The following HMGB1 variants were observed in gnomAD, a reference collection of about 807,000 sequenced individuals.
HMGB1 encodes the protein high mobility group protein B1.
For missense variants in HMGB1, 79 were observed against 253.5 expected, an observed-to-expected ratio of 0.31 and a Z score of 4.67; for synonymous variants, 81 against 84.0, an observed-to-expected ratio of 0.96 and a Z score of 0.19.
intron 1 of HMGB1, among the ~76,000 whole-genome samples, chr13:30,512,316 T>C (rs1211061104): frequency 6.6e-6 from 1 of 152,112 alleles, no homozygotes; most frequent in Non-Finnish European, 1.5e-5. Flanking sequence ...AGGCAAACAC[T>C]GAACATGCTT....
chr13:30,479,136 A>G (rs1474760344), intron 1 of HMGB1, among the ~76,000 whole-genome samples: 2 of 152,190 alleles, frequency 1.3e-5, no homozygotes, highest in East Asian at 1.9e-4. Context: ...AAATATGCAC[A>G]TTTATCATAG....
intron 1 of HMGB1, among the ~76,000 whole-genome samples, chr13:30,520,488 C>T (rs1322963548): frequency 2.6e-5 from 4 of 151,720 alleles, no homozygotes; most frequent in East Asian, 1.9e-4. Context: ...GGTGTGGTGG[C>T]GTATGCCTGT....
At chr13:30,557,219 A>G (rs752474305) in intron 1 of HMGB1, among the ~76,000 whole-genome samples, 48 of 152,206 alleles carry the variant, frequency 3.2e-4, no homozygotes, top group Non-Finnish European at 6.5e-4. Flanking sequence ...TAAAATTTGC[A>G]CTGAATTCCA....
intron 1 of HMGB1, among the ~76,000 whole-genome samples, chr13:30,597,073 A>G (rs1871646399): frequency 6.6e-6 from 1 of 152,218 alleles, no homozygotes; most frequent in Admixed American, 6.5e-5. Flanking sequence ...GGCTTAGAAG[A>G]TATTATGGGT....
intron 1 of HMGB1, among the ~76,000 whole-genome samples, chr13:30,538,562 T>G (rs1868622552): frequency 8.4e-6 from 1 of 118,938 alleles, no homozygotes; most frequent in African/African-American, 5.0e-5. Flanking sequence ...TCTTTTTCTT[T>G]CTTCTTTTTC....
At chr13:30,538,476 TTCTTTCTTTC>T (rs202125398) in intron 1 of HMGB1, among the ~76,000 whole-genome samples, 642 of 32,892 alleles carry the variant, frequency 0.02, 26 homozygotes, top group Middle Eastern at 0.045. Flanking sequence ...CTTTCTTTCT[TTCTTTCTTTC>T]TTTCTTTCTT....
intron 1 of HMGB1, among the ~76,000 whole-genome samples, chr13:30,584,360 C>A (rs1050610059): frequency 3.9e-5 from 6 of 152,192 alleles, no homozygotes; most frequent in African/African-American, 1.4e-4. Flanking sequence ...CTCAAAGAGG[C>A]TTTTCTTGAC....
intron 1 of HMGB1, among the ~76,000 whole-genome samples, chr13:30,544,221 G>A (rs1008337748): frequency 6.6e-6 from 1 of 152,252 alleles, no homozygotes; most frequent in Non-Finnish European, 1.5e-5. Flanking sequence ...TGCCCCAAAA[G>A]TGAGATAGTG....
At chr13:30,500,189 T>C (rs1490465854) in intron 1 of HMGB1, among the ~76,000 whole-genome samples, 2 of 152,152 alleles carry the variant, frequency 1.3e-5, no homozygotes, top group Non-Finnish European at 2.9e-5. Flanking sequence ...TTTTCCACCA[T>C]GTTAAGATGC....
Position 30,463,585 on chromosome 13 carries a change from T to C in HMGB1, c.96A>G (p.Pro32=). The part of the protein sequence containing the change: ...TCREEHKKKH[P]DASVNFSEFS... ...ACTCTGAGAAGTTGACTGAAGCATC[T>C]GGGTGCTTCTTCTTATGCTCCTCCC... Residue 32 remains proline, a synonymous_variant, in exon 2 of 5, where the codon CCA becomes CCG. Coordinates refer to ENST00000341423, the MANE Select transcript of HMGB1 (RefSeq NM_002128.7). 1 of 1,608,720 alleles carries C rather than the reference T, an allele frequency of 6.2e-7. No homozygotes were observed. The highest frequency in any genetic ancestry group is 8.5e-7 in the Non-Finnish European group (1 of 1,177,196).
intron 1 of HMGB1, among the ~76,000 whole-genome samples, chr13:30,502,695 G>A (rs1887761911): frequency 6.6e-6 from 1 of 150,678 alleles, no homozygotes; most frequent in African/African-American, 2.4e-5. Flanking sequence ...GTCTCACTCT[G>A]TCACCCAGGC....
chr13:30,596,268 T>C (rs1005811471), intron 1 of HMGB1, among the ~76,000 whole-genome samples: 1 of 152,218 alleles, frequency 6.6e-6, no homozygotes, highest in African/African-American at 2.4e-5. Context: ...CAAGTAATTG[T>C]TTGGTATTAT....
At chr13:30,572,204 G>A (rs1870466163) in intron 1 of HMGB1, among the ~76,000 whole-genome samples, 1 of 152,172 alleles carries the variant, frequency 6.6e-6, no homozygotes, top group Admixed American at 6.5e-5. Flanking sequence ...GTTGATAAAT[G>A]CTCAAAGTAG....
At chr13:30,558,075 G>A (rs771990951) in intron 1 of HMGB1, among the ~76,000 whole-genome samples, 3 of 151,850 alleles carry the variant, frequency 2.0e-5, no homozygotes, top group Non-Finnish European at 4.4e-5. Flanking sequence ...TCCAAAAACC[G>A]AGCCTATGCA....
chr13:30,558,503 A>G (rs985655419), intron 1 of HMGB1, among the ~76,000 whole-genome samples: 1 of 152,248 alleles, frequency 6.6e-6, no homozygotes, highest in African/African-American at 2.4e-5. Flanking sequence ...AGTCATGTAA[A>G]AAAAGATTTT....
At chr13:30,523,108 A>T (rs190799564) in intron 1 of HMGB1, among the ~76,000 whole-genome samples, 1 of 152,324 alleles carries the variant, frequency 6.6e-6, no homozygotes, top group African/African-American at 2.4e-5. Context: ...CAGTTCTTGT[A>T]GTTATAACAT....
intron 1 of HMGB1, among the ~76,000 whole-genome samples, chr13:30,546,134 T>G (rs1476986221): frequency 3.3e-5 from 5 of 152,022 alleles, no homozygotes; most frequent in African/African-American, 1.2e-4. Context: ...TTGTTTGTTT[T>G]GAGACGGAGT....
At chr13:30,607,669 G>A (rs1053993082) in intron 1 of HMGB1, among the ~76,000 whole-genome samples, 1 of 152,144 alleles carries the variant, frequency 6.6e-6, no homozygotes, top group Non-Finnish European at 1.5e-5. Flanking sequence ...AGACTATCTA[G>A]AAGAACATGT....
At chr13:30,538,612 TC>T (rs1868642147) in intron 1 of HMGB1, among the ~76,000 whole-genome samples, 2 of 125,156 alleles carry the variant, frequency 1.6e-5, no homozygotes, top group African/African-American at 9.1e-5. Flanking sequence ...TCTTTCTTTC[TC>T]TTTCTCTCTC....
Sources: gnomAD v4.1 joint callset for allele counts (sites outside exome capture counted in the v4.1 genomes callset) on GRCh38, gnomAD v4.1.1 for gene constraint, MANE v1.5 for transcripts, NCBI Gene and HGNC (gene_info 2026-07-23, HGNC 2026-07-21) for gene names.